The following ARHGEF5 variants were observed in gnomAD, a reference collection of about 807,000 sequenced individuals.
The protein encoded by ARHGEF5 is Rho guanine nucleotide exchange factor (GEF) 5.
A neutral mutation model predicts 104.0 loss-of-function variants in ARHGEF5; 11 were observed. The ratio of observed to expected loss-of-function variants is 0.11; its 90% CI spans 0.07 to 0.18. The LOEUF (loss-of-function observed/expected upper bound fraction) is 0.18, where lower values mean the gene tolerates loss of function less well. ARHGEF5 is among the 10% of genes least tolerant of loss of function. The pLI is 1.00. For synonymous variants in ARHGEF5, 60 were observed against 512.2 expected (o/e 0.12, Z 11.92); for missense variants, 165 against 1,335.4 (o/e 0.12, Z 13.66).
chr7:144,379,930 G>A lies in ARHGEF5; in HGVS notation c.4668G>A (p.Gly1556=), dbSNP rs776813805. The change falls in exon 15 of 15, where the codon GGG becomes GGA. Residue 1556 remains glycine (G), a synonymous_variant. Transcript: ENST00000056217. The stretch of plus-strand genomic sequence containing the variant: ...TGGAGGGCGTGAGGCTCTCAGACGG[G>A]GAGCGAGGCTGGTTTCCTGTGCAGC... ...GWLEGVRLSD[G]ERGWFPVQQV... The A allele has an allele frequency of 3.1e-6, 5 of 1,614,198 alleles. No individual in the cohort carries two copies. In the Admixed American group the frequency reaches 6.7e-5, roughly 22 times the overall value.
intron 13 of ARHGEF5, 111 bp from the exon 14 acceptor site, chr7:144,378,651 C>A: frequency 1.2e-6 from 1 of 836,478 alleles, no homozygotes; most frequent in Non-Finnish European, 1.9e-6. Flanking sequence ...CTTTCAACAG[C>A]CCAAATCTGT....
Position 144,379,920 on chromosome 7 carries a change from T to C in ARHGEF5, c.4658T>C (p.Leu1553Pro), listed in dbSNP as rs377004169. 1.2e-6 allele frequency: 2 copies of C among 1,614,144 alleles called. No individual in the cohort carries two copies. The highest frequency in any genetic ancestry group is 1.7e-5 in the Admixed American group (1 of 60,018). ...SSDGWLEGVR[L>P]SDGERGWFPV... ...ACAGGCTGGCTGGAGGGCGTGAGGC[T>C]CTCAGACGGGGAGCGAGGCTGGTTT... is the stretch of plus-strand genomic sequence containing the variant. The change falls in exon 15 of 15, where the codon CTC (leucine) becomes CCC (proline). Residue 1553 changes from leucine to proline, a missense_variant. Coordinates refer to ENST00000056217, the MANE Select transcript of ARHGEF5 (RefSeq NM_005435.4).
chr7:144,379,370 T>G (rs1352355683), intron 14 of ARHGEF5, among the ~76,000 whole-genome samples: 1 of 151,914 alleles, frequency 6.6e-6, no homozygotes, highest in Non-Finnish European at 1.5e-5. Context: ...CCACCACACC[T>G]GGCTAATTTT....
intron 14 of ARHGEF5, 88 bp from the exon 15 acceptor site, chr7:144,379,811 G>C: frequency 6.5e-7 from 1 of 1,542,690 alleles, no homozygotes; most frequent in Non-Finnish European, 8.9e-7. Flanking sequence ...TCAGCCTGAG[G>C]ATTCAGAAAA....
intron 13 of ARHGEF5, 105 bp from the exon 14 acceptor site, chr7:144,378,657 T>C: frequency 1.1e-6 from 1 of 883,764 alleles, no homozygotes; most frequent in Non-Finnish European, 1.8e-6. Context: ...ACAGCCCAAA[T>C]CTGTCTCTAT....
At chr7:144,357,609 T>C in intron 1 of ARHGEF5, among the ~76,000 whole-genome samples, 1 of 149,436 alleles carries the variant, frequency 6.7e-6, no homozygotes, top group South Asian at 2.1e-4. Flanking sequence ...TCCTCAAAAA[T>C]ATATATATGG....
intron 5 of ARHGEF5, among the ~76,000 whole-genome samples, chr7:144,370,606 C>T (rs1402099532): frequency 1.3e-5 from 2 of 150,332 alleles, no homozygotes. Context: ...GCTGGGACTA[C>T]ATGTGCACGC....
chr7:144,378,674 T>G (rs922623953), intron 13 of ARHGEF5, 88 bp from the exon 14 acceptor site: 1 of 1,092,400 alleles, frequency 9.2e-7, no homozygotes, highest in Non-Finnish European at 1.4e-6. Context: ...CTATCTCAAG[T>G]CCTCCCACGC....
At chr7:144,377,389 C>T (rs983680649) in intron 13 of ARHGEF5, among the ~76,000 whole-genome samples, 199 bp downstream of exon 13, 1 of 152,212 alleles carries the variant, frequency 6.6e-6, no homozygotes, top group African/African-American at 2.4e-5. Context: ...TGGCAGTCCC[C>T]CTTCCCCATA....
chr7:144,370,873 A>T (rs968414389), intron 5 of ARHGEF5, among the ~76,000 whole-genome samples: 1 of 145,372 alleles, frequency 6.9e-6, no homozygotes, highest in Admixed American at 7.0e-5. Context: ...AAGCAAATTA[A>T]CATATCCATC....
chr7:144,370,729 G>A (rs1351494148), intron 5 of ARHGEF5, among the ~76,000 whole-genome samples: 3 of 147,812 alleles, frequency 2.0e-5, no homozygotes, highest in Non-Finnish European at 4.5e-5. Flanking sequence ...GCCTCCCAAA[G>A]TGTTGGGATT....
intron 1 of ARHGEF5, among the ~76,000 whole-genome samples, chr7:144,359,510 A>G (rs2053621923): frequency 7.2e-6 from 1 of 138,322 alleles, no homozygotes; most frequent in Non-Finnish European, 1.6e-5. Flanking sequence ...CTCATAATCT[A>G]GCCTGGAAAA....
chr7:144,380,491 G>C lies in ARHGEF5; in HGVS notation c.*435G>C. 1.2e-5 allele frequency: 2 copies of C among 162,178 alleles called. No homozygotes were observed. Among genetic ancestry groups the C allele is most frequent in the South Asian group, 3.5e-4 (2 of 5,736 alleles). The allele number at this position is 162,178 out of a possible 1,614,324, so 10.0% of individuals were successfully genotyped here. ...ACACATCAGATGGGAGGGTCAGCCC[G>C]GTGACCTCTAAGGTATCTTCTAACC... On this transcript the variant is annotated 3_prime_UTR_variant, in exon 15 of 15. Transcript: ENST00000056217.
intron 13 of ARHGEF5, among the ~76,000 whole-genome samples, chr7:144,377,631 G>C (rs974982986): frequency 6.6e-6 from 1 of 152,040 alleles, no homozygotes; most frequent in Non-Finnish European, 1.5e-5. Flanking sequence ...TGCCCATGGG[G>C]AGCCACAGGC....
At chr7:144,377,055 C>A (rs2053766152) in intron 12 of ARHGEF5, 65 bp from the exon 13 acceptor site, 6 of 930,846 alleles carry the variant, frequency 6.4e-6, no homozygotes, top group Middle Eastern at 3.4e-4. Context: ...CTTTTGCCAT[C>A]CCCATCCTTG....
chr7:144,357,743 A>C (rs1429164211), intron 1 of ARHGEF5, among the ~76,000 whole-genome samples: 1 of 151,900 alleles, frequency 6.6e-6, no homozygotes, highest in African/African-American at 2.4e-5. Context: ...GCTCTAGGGA[A>C]GATAGTGAGC....
chr7:144,361,422 T>C (rs1274784137), intron 1 of ARHGEF5, among the ~76,000 whole-genome samples: 1 of 139,144 alleles, frequency 7.2e-6, no homozygotes, highest in East Asian at 1.9e-4. Context: ...GTAGGGAATA[T>C]TGGCAGAATG....
At chr7:144,373,951 C>T (rs1440059636) in intron 10 of ARHGEF5, among the ~76,000 whole-genome samples, 1 of 121,986 alleles carries the variant, frequency 8.2e-6, no homozygotes, top group Admixed American at 8.7e-5. Flanking sequence ...AAGCGATTCT[C>T]ATGCCTTGGC....
intron 12 of ARHGEF5, among the ~76,000 whole-genome samples, chr7:144,375,931 G>C (rs1201673412): frequency 1.3e-5 from 2 of 152,298 alleles, no homozygotes; most frequent in Non-Finnish European, 2.9e-5. Flanking sequence ...GAGGGACAAG[G>C]TCTGTGTAGT....
Sources: allele counts gnomAD v4.1 joint callset (sites outside exome capture counted in the v4.1 genomes callset), GRCh38; gene constraint gnomAD v4.1.1; transcripts MANE v1.5; gene names NCBI Gene and HGNC (gene_info 2026-07-23, HGNC 2026-07-21).